Variants in ANK3 observed in about 807,000 individuals in gnomAD.
ANK3 encodes the protein ankyrin 3, also known as ankyrin-3.
In ANK3, 57 loss-of-function variants were observed where a neutral mutation model predicts 370.9. That is an observed-to-expected ratio of 0.15 (90% CI 0.12 to 0.19). ANK3 has a LOEUF of 0.19. ANK3 is among the 10% of genes least tolerant of loss of function. The pLI, the probability that ANK3 is intolerant of heterozygous loss-of-function variation, is 1.00. For missense variants in ANK3, 4,439 were observed against 5,302.1 expected (o/e 0.84, Z 5.06); for synonymous variants, 1,929 against 1,946.3 (o/e 0.99, Z 0.23).
At chr10:60,131,788 T>C (rs2094085131) in intron 25 of ANK3, among the ~76,000 whole-genome samples, 1 of 152,116 alleles carries the variant, frequency 6.6e-6, no homozygotes, top group African/African-American at 2.4e-5. Flanking sequence ...GTGGTAGCAG[T>C]GGTGGAGGTG....
At chr10:60,434,991 G>T (rs2064121504) in intron 2 of ANK3, among the ~76,000 whole-genome samples, 3 of 151,960 alleles carry the variant, frequency 2.0e-5, no homozygotes, top group African/African-American at 7.3e-5. Flanking sequence ...AAGTGTATTG[G>T]GCAACGAACT....
intron 2 of ANK3, among the ~76,000 whole-genome samples, chr10:60,609,356 G>A (rs2133315287): frequency 6.6e-6 from 1 of 152,154 alleles, no homozygotes; most frequent in East Asian, 1.9e-4. Flanking sequence ...GATGGAGGGA[G>A]CTTGTGATCA....
chr10:60,051,354 A>C, intron 42 of ANK3: 1 of 340,698 alleles, frequency 2.9e-6, no homozygotes, highest in Non-Finnish European at 4.2e-6. Context: ...AAATTACACA[A>C]AGCCATTTCA....
chr10:60,660,934 A>ACACACACACC (rs373156861), intron 1 of ANK3, among the ~76,000 whole-genome samples: 3 of 151,736 alleles, frequency 2.0e-5, no homozygotes, highest in African/African-American at 7.3e-5. Context: ...ACACACACAC[A>ACACACACACC]CCCCACATCT....
intron 1 of ANK3, among the ~76,000 whole-genome samples, chr10:60,285,587 C>T (rs1321060496): frequency 6.6e-6 from 1 of 152,088 alleles, no homozygotes; most frequent in African/African-American, 2.4e-5. Flanking sequence ...TGCCTCAACC[C>T]ATCACTGAAA....
chr10:60,242,056 A>C (rs1199640378), intron 7 of ANK3, among the ~76,000 whole-genome samples: 1 of 152,088 alleles, frequency 6.6e-6, no homozygotes, highest in Non-Finnish European at 1.5e-5. Flanking sequence ...GTATAATACC[A>C]TTTCTAGCCC....
At chr10:60,338,524 T>G (rs1191330291) in intron 1 of ANK3, among the ~76,000 whole-genome samples, 2 of 152,132 alleles carry the variant, frequency 1.3e-5, no homozygotes, top group African/African-American at 4.8e-5. Flanking sequence ...TTCAGTAGAA[T>G]GCAGAAGGTC....
intron 1 of ANK3, among the ~76,000 whole-genome samples, chr10:60,339,814 T>A (rs761292345): frequency 1.3e-5 from 2 of 152,192 alleles, no homozygotes; most frequent in Admixed American, 1.3e-4. Flanking sequence ...ACAGCAGCAG[T>A]AGCGGTACTA....
chr10:60,494,640 C>T (rs2075606871), intron 2 of ANK3, among the ~76,000 whole-genome samples: 1 of 151,946 alleles, frequency 6.6e-6, no homozygotes, highest in Admixed American at 6.6e-5. Context: ...TTCTTTTAGC[C>T]TTATTTTTAA....
At chr10:60,255,473 A>G (rs1298707625) in intron 7 of ANK3, among the ~76,000 whole-genome samples, 1 of 152,206 alleles carries the variant, frequency 6.6e-6, no homozygotes, top group African/African-American at 2.4e-5. Context: ...TGACTAGGGC[A>G]TCTCAACTTT....
intron 1 of ANK3, among the ~76,000 whole-genome samples, chr10:60,707,028 T>A (rs2079630104): frequency 6.6e-6 from 1 of 152,184 alleles, no homozygotes; most frequent in African/African-American, 2.4e-5. Context: ...TAAATGTATG[T>A]TTATATGTAA....
intron 41 of ANK3, among the ~76,000 whole-genome samples, chr10:60,057,043 A>G (rs1266339939): frequency 3.3e-5 from 5 of 152,322 alleles, no homozygotes; most frequent in South Asian, 2.1e-4. Flanking sequence ...CCTGTGGTCA[A>G]GACTGTGGTA....
chr10:60,554,140 T>G (rs889910321), intron 2 of ANK3, among the ~76,000 whole-genome samples: 1 of 152,196 alleles, frequency 6.6e-6, no homozygotes, highest in Non-Finnish European at 1.5e-5. Context: ...CTCCCCTTTT[T>G]CGGATACACC....
At chr10:60,414,008 GA>G (rs1297770363) in intron 2 of ANK3, among the ~76,000 whole-genome samples, 1 of 151,958 alleles carries the variant, frequency 6.6e-6, no homozygotes, top group Non-Finnish European at 1.5e-5. Flanking sequence ...AAAACAAACA[GA>G]AAAAACTAAA....
chr10:60,685,615 T>TA (rs1249591179), intron 1 of ANK3, among the ~76,000 whole-genome samples: 1 of 152,186 alleles, frequency 6.6e-6, no homozygotes, highest in Non-Finnish European at 1.5e-5. Context: ...TCAGCTAATC[T>TA]AAAAAACATT....
At chr10:60,207,575 CAGA>C (rs1403418577) in intron 10 of ANK3, among the ~76,000 whole-genome samples, 1 of 152,102 alleles carries the variant, frequency 6.6e-6, no homozygotes, top group Non-Finnish European at 1.5e-5. Context: ...CAAACGGAAA[CAGA>C]AGATTACAGG....
At chr10:60,557,796 T>C (rs564796879) in intron 2 of ANK3, among the ~76,000 whole-genome samples, 1 of 152,318 alleles carries the variant, frequency 6.6e-6, no homozygotes, top group South Asian at 2.1e-4. Context: ...AGGGTCCAAC[T>C]ACTTTGACAT....
At chr10:60,181,584 G>A (rs903674293) in intron 17 of ANK3, among the ~76,000 whole-genome samples, 157 bp from the exon 18 acceptor site, 13 of 152,110 alleles carry the variant, frequency 8.5e-5, no homozygotes, top group African/African-American at 3.1e-4. Context: ...GGAGGCTGAG[G>A]CAGGTGGATC....
chr10:60,586,208 C>A (rs138832922), intron 2 of ANK3, among the ~76,000 whole-genome samples: 1 of 151,942 alleles, frequency 6.6e-6, no homozygotes, highest in Admixed American at 6.6e-5. Flanking sequence ...TAAATGTGAA[C>A]GTGGATGAAA....
Sources: gnomAD v4.1 joint callset for allele counts (sites outside exome capture counted in the v4.1 genomes callset) on GRCh38, gnomAD v4.1.1 for gene constraint, MANE v1.5 for transcripts, NCBI Gene and HGNC (gene_info 2026-07-23, HGNC 2026-07-21) for gene names.